AFF3: variants seen among roughly 807,000 people sequenced by gnomAD.
AFF3 encodes AF4/FMR2 family member 3.
A neutral mutation model predicts 129.7 loss-of-function variants in AFF3; 32 were observed. The ratio of observed to expected loss-of-function variants is 0.25; its 90% CI spans 0.19 to 0.33. The LOEUF (loss-of-function observed/expected upper bound fraction) is 0.33, where lower values mean the gene tolerates loss of function less well. Ranked by LOEUF, AFF3 falls within the 10% of genes least tolerant of loss-of-function variation. The probability of loss-of-function intolerance (pLI) is 1.00; values close to 1 mark genes in which losing one functional copy is unlikely to be tolerated. For missense variants in AFF3, 1,373 were observed against 1,592.0 expected, an observed-to-expected ratio of 0.86 and a Z score of 2.34; for synonymous variants, 644 against 635.4, an observed-to-expected ratio of 1.01 and a Z score of -0.20.
intron 7 of AFF3, among the ~76,000 whole-genome samples, chr2:99,846,820 T>C (rs1371942442): frequency 6.6e-6 from 1 of 152,234 alleles, no homozygotes; most frequent in African/African-American, 2.4e-5. Flanking sequence ...ACCCTTCCTA[T>C]GTCATGTTCT....
chr2:100,082,175 A>G (rs1233117327), intron 4 of AFF3, among the ~76,000 whole-genome samples: 2 of 152,242 alleles, frequency 1.3e-5, no homozygotes, highest in African/African-American at 4.8e-5. Flanking sequence ...TAATTCAGAT[A>G]GTTCTAAAAA....
intron 1 of AFF3, among the ~76,000 whole-genome samples, chr2:100,138,631 G>A (rs1692725071): frequency 6.6e-6 from 1 of 152,118 alleles, no homozygotes; most frequent in African/African-American, 2.4e-5. Flanking sequence ...CAGGGCTTGG[G>A]AGAAAGGTGA....
intron 7 of AFF3, among the ~76,000 whole-genome samples, chr2:99,939,811 T>C (rs1433574257): frequency 6.6e-6 from 1 of 152,234 alleles, no homozygotes; most frequent in Non-Finnish European, 1.5e-5. Context: ...TATCTGTTTA[T>C]AGCACTAATA....
chr2:99,727,697 G>C (rs1249488515), intron 10 of AFF3, among the ~76,000 whole-genome samples: 1 of 151,932 alleles, frequency 6.6e-6, no homozygotes, highest in East Asian at 1.9e-4. Flanking sequence ...GAGTAGCTGG[G>C]ACTACAGGTG....
Position 99,550,679 on chromosome 2 carries a change from T to G in AFF3, c.*795A>C, listed in dbSNP as rs1434883976. On this transcript the variant is annotated 3_prime_UTR_variant, in exon 25 of 25. Coordinates refer to ENST00000672756, the MANE Select transcript of AFF3 (RefSeq NM_001386135.1). ...TAACTGAGCTCCAACACACAGGCAC[T>G]GCTACCTTAGTGTCTGTTAACTTTC... 4.3e-6 allele frequency: 1 copy of G among 232,802 alleles called. No individual in the cohort carries two copies. The highest frequency in any genetic ancestry group is 8.5e-6 in the Non-Finnish European group (1 of 117,848). 14.4% of individuals were successfully genotyped at this position (232,802 alleles called of 1,614,324 possible).
chr2:99,735,839 T>C (rs1312862997), intron 10 of AFF3, among the ~76,000 whole-genome samples: 1 of 152,196 alleles, frequency 6.6e-6, no homozygotes, highest in Non-Finnish European at 1.5e-5. Flanking sequence ...TCCCTCTAAT[T>C]TAGTTTCTTC....
chr2:99,824,399 G>A (rs1294983099), intron 8 of AFF3, among the ~76,000 whole-genome samples: 1 of 152,152 alleles, frequency 6.6e-6, no homozygotes, highest in Non-Finnish European at 1.5e-5. Context: ...ACAGGTGTGA[G>A]CCACAGCACC....
intron 8 of AFF3, among the ~76,000 whole-genome samples, chr2:99,785,872 C>A (rs1011886217): frequency 6.6e-6 from 1 of 152,182 alleles, no homozygotes; most frequent in Non-Finnish European, 1.5e-5. Flanking sequence ...CTCAGCCTCC[C>A]GGGTAGCTGG....
intron 8 of AFF3, among the ~76,000 whole-genome samples, chr2:99,766,081 G>A (rs1682984911): frequency 1.3e-5 from 2 of 152,220 alleles, no homozygotes; most frequent in African/African-American, 4.8e-5. Context: ...AGCTGGGAGT[G>A]TAGCGGGAGG....
chr2:99,776,193 T>A (rs1683891540), intron 8 of AFF3, among the ~76,000 whole-genome samples: 1 of 152,350 alleles, frequency 6.6e-6, no homozygotes, highest in Admixed American at 6.5e-5. Flanking sequence ...TTCCTTATAA[T>A]TGTGTCTCTT....
intron 2 of AFF3, chr2:100,107,215 C>G (rs1041189676): frequency 8.1e-6 from 8 of 985,198 alleles, no homozygotes; most frequent in Admixed American, 6.2e-5. Flanking sequence ...ACTAAGCTGT[C>G]ATGGAGATAA....
At chr2:99,812,012 T>C (rs1045231795) in intron 8 of AFF3, among the ~76,000 whole-genome samples, 3 of 152,240 alleles carry the variant, frequency 2.0e-5, no homozygotes, top group East Asian at 1.9e-4. Context: ...ATTGTTTCAA[T>C]AGAGAATCCA....
At chr2:99,858,493 G>A (rs1227138064) in intron 7 of AFF3, among the ~76,000 whole-genome samples, 1 of 152,022 alleles carries the variant, frequency 6.6e-6, no homozygotes, top group Non-Finnish European at 1.5e-5. Flanking sequence ...CGAGGCTGCA[G>A]TGAGCCACAA....
intron 2 of AFF3, among the ~76,000 whole-genome samples, chr2:100,116,268 T>C (rs1691731160): frequency 6.6e-6 from 1 of 152,142 alleles, no homozygotes; most frequent in Non-Finnish European, 1.5e-5. Flanking sequence ...AACATATAGC[T>C]CTATGTTTGC....
intron 13 of AFF3, among the ~76,000 whole-genome samples, chr2:99,636,018 C>T (rs1683619755): frequency 6.6e-6 from 1 of 152,182 alleles, no homozygotes; most frequent in Non-Finnish European, 1.5e-5. Flanking sequence ...TGACCACAGT[C>T]CTTCTGTAAT....
chr2:99,824,686 T>G (rs1369324655), intron 8 of AFF3, among the ~76,000 whole-genome samples: 1 of 152,138 alleles, frequency 6.6e-6, no homozygotes, highest in Middle Eastern at 3.2e-3. Context: ...GATAATTCCT[T>G]TCAAACCTAG....
chr2:99,825,875 C>A (rs1390055380), intron 8 of AFF3, among the ~76,000 whole-genome samples: 1 of 152,166 alleles, frequency 6.6e-6, no homozygotes, highest in African/African-American at 2.4e-5. Flanking sequence ...GCACAACAGT[C>A]TTGGCAGTCC....
intron 22 of AFF3, among the ~76,000 whole-genome samples, chr2:99,555,598 G>C (rs1674835134): frequency 6.6e-6 from 1 of 152,206 alleles, no homozygotes; most frequent in South Asian, 2.1e-4. Context: ...TCAATGCACA[G>C]TTAGATTTCC....
intron 4 of AFF3, among the ~76,000 whole-genome samples, chr2:100,017,095 G>A: frequency 6.6e-6 from 1 of 152,024 alleles, no homozygotes; most frequent in East Asian, 1.9e-4. Context: ...AAGTGGTAGT[G>A]AAGGTGCTAG....
Sources: allele counts gnomAD v4.1 joint callset (sites outside exome capture counted in the v4.1 genomes callset), GRCh38; gene constraint gnomAD v4.1.1; transcripts MANE v1.5; gene names NCBI Gene and HGNC (gene_info 2026-07-23, HGNC 2026-07-21).